Variants in NCAM2 observed in about 807,000 individuals in gnomAD.
NCAM2 encodes N-CAM-2.
In NCAM2, 30 loss-of-function variants were observed where a neutral mutation model predicts 98.1. The ratio of observed to expected loss-of-function variants is 0.31; its 90% CI spans 0.23 to 0.41. The LOEUF (loss-of-function observed/expected upper bound fraction) is 0.41. Among genes scored for constraint, NCAM2 ranks in the 10% least tolerant of loss-of-function variants. The pLI is 1.00. For missense variants in NCAM2, 867 were observed against 1,005.8 expected (o/e 0.86, Z 1.87); for synonymous variants, 368 against 342.4 (o/e 1.07, Z -0.83).
chr21:21,299,391 A>C (rs1024091846), intron 5 of NCAM2, among the ~76,000 whole-genome samples: 1 of 151,782 alleles, frequency 6.6e-6, no homozygotes, highest in Non-Finnish European at 1.5e-5. Context: ...AAAGTAATAA[A>C]GCAGAGAGAA....
At chr21:21,022,124 G>T (rs189510089) in intron 1 of NCAM2, among the ~76,000 whole-genome samples, 43 of 152,122 alleles carry the variant, frequency 2.8e-4, no homozygotes, top group African/African-American at 1.0e-3. Flanking sequence ...AGTCTTGAAA[G>T]ACTTTAAAGA....
At chr21:21,252,750 G>C (rs189132572) in intron 1 of NCAM2, among the ~76,000 whole-genome samples, 2 of 152,046 alleles carry the variant, frequency 1.3e-5, no homozygotes, top group Non-Finnish European at 2.9e-5. Flanking sequence ...AATTCATCTC[G>C]TGTCAAACCT....
intron 15 of NCAM2, among the ~76,000 whole-genome samples, chr21:21,495,177 T>C (rs1438736946): frequency 2.6e-5 from 4 of 151,962 alleles, no homozygotes; most frequent in African/African-American, 7.2e-5. Context: ...AGAATAGTTA[T>C]ACATAAATAT....
At chr21:21,035,665 C>T (rs1416566205) in intron 1 of NCAM2, among the ~76,000 whole-genome samples, 1 of 152,004 alleles carries the variant, frequency 6.6e-6, no homozygotes, top group Non-Finnish European at 1.5e-5. Context: ...TTACCCAGCT[C>T]AATTATATGA....
chr21:21,165,687 A>G (rs1306738044), intron 1 of NCAM2, among the ~76,000 whole-genome samples: 1 of 152,118 alleles, frequency 6.6e-6, no homozygotes, highest in Non-Finnish European at 1.5e-5. Context: ...AAACTATCAT[A>G]TTTTCCTGAG....
Position 21,185,853 on chromosome 21 carries a change from G to T in NCAM2, c.56-94725G>T, listed in dbSNP as rs891617813. Among the ~76,000 whole-genome samples, 9 of 152,076 alleles carry T rather than the reference G, an allele frequency of 5.9e-5. No individual in the cohort carries two copies. The East Asian group carries it at 1.4e-3, about 23-fold the overall frequency. ...GTAATTTTCAATATATCATATTGAA[G>T]AAAAGGAATAAGAAGAAAGTGTAAT... On this transcript the variant is annotated intron_variant, in intron 1 of 17. Coordinates refer to ENST00000400546, the MANE Select transcript of NCAM2 (RefSeq NM_004540.5).
chr21:21,027,350 A>G (rs1256105140), intron 1 of NCAM2, among the ~76,000 whole-genome samples: 2 of 152,220 alleles, frequency 1.3e-5, no homozygotes. Flanking sequence ...TTATGGTAGC[A>G]TTATGATAGA....
At position 21,017,574 on chromosome 21, in the gene NCAM2, C is replaced by T. The variant is rs138555664; in HGVS notation, c.55+18956C>T. ...GGGCGATTATGCAGACTCACTAATC[C>T]GGGTGCATGCCTCGACCAAAGTGAG... On this transcript the variant is annotated intron_variant, in intron 1 of 17. Transcript: ENST00000400546. 3.7e-4 allele frequency among the ~76,000 whole-genome samples: 56 copies of T among 151,976 alleles called. No individual in the cohort carries two copies. In the East Asian group the frequency reaches 7.7e-3, roughly 21 times the overall value.
Position 21,159,531 on chromosome 21 carries a change from ATAAT to A in NCAM2, c.56-121043_56-121040del, listed in dbSNP as rs1470632863. Among the ~76,000 whole-genome samples the A allele has an allele frequency of 2.0e-5, 3 of 152,282 alleles. No homozygotes were observed. The East Asian group carries it at 5.8e-4, about 29-fold the overall frequency. On this transcript the variant is annotated intron_variant, in intron 1 of 17. Coordinates refer to ENST00000400546, the MANE Select transcript of NCAM2 (RefSeq NM_004540.5). ...ACCTTTTGTATGTTTAGATACACAA[ATAAT>A]TAACCATTGTATTACAGTTGCCTCC...
chr21:21,396,809 T>C (rs902912841), intron 9 of NCAM2, among the ~76,000 whole-genome samples: 5 of 152,146 alleles, frequency 3.3e-5, no homozygotes, highest in Admixed American at 1.3e-4. Context: ...GCCCCAAAGA[T>C]GGTGTTACAT....
chr21:21,419,826 T>C (rs988218122), intron 11 of NCAM2, among the ~76,000 whole-genome samples: 1 of 152,110 alleles, frequency 6.6e-6, no homozygotes, highest in Non-Finnish European at 1.5e-5. Context: ...AACATACGCG[T>C]GCATGTGTCT....
At chr21:21,534,931 G>T (rs933393540) in intron 17 of NCAM2, among the ~76,000 whole-genome samples, 2 of 151,854 alleles carry the variant, frequency 1.3e-5, no homozygotes, top group African/African-American at 4.8e-5. Flanking sequence ...AGAGTTTGAG[G>T]TTTTCAACAA....
At chr21:21,517,724 G>A (rs1429296309) in intron 16 of NCAM2, among the ~76,000 whole-genome samples, 1 of 152,060 alleles carries the variant, frequency 6.6e-6, no homozygotes, top group Non-Finnish European at 1.5e-5. Context: ...TTGGCGTGGT[G>A]GTGCATGCCT....
intron 11 of NCAM2, among the ~76,000 whole-genome samples, chr21:21,419,438 C>T (rs1003779441): frequency 1.3e-5 from 2 of 149,258 alleles, no homozygotes; most frequent in Non-Finnish European, 3.0e-5. Context: ...TATACACGTG[C>T]CATGCTGGTG....
chr21:21,215,254 C>T (rs1293877367), intron 1 of NCAM2, among the ~76,000 whole-genome samples: 1 of 152,076 alleles, frequency 6.6e-6, no homozygotes, highest in Non-Finnish European at 1.5e-5. Flanking sequence ...TGCATCAGAA[C>T]CTTTCAGAAT....
chr21:21,096,385 G>A (rs1337706723), intron 1 of NCAM2, among the ~76,000 whole-genome samples: 2 of 148,322 alleles, frequency 1.3e-5, no homozygotes, highest in Non-Finnish European at 3.0e-5. Flanking sequence ...TTAAAACTGT[G>A]TAAACAAATC....
chr21:21,191,985 G>A (rs547477880), intron 1 of NCAM2, among the ~76,000 whole-genome samples: 3 of 152,238 alleles, frequency 2.0e-5, no homozygotes, highest in East Asian at 3.9e-4. Context: ...ACTTTGGGAG[G>A]CCGAGGCAGG....
intron 5 of NCAM2, among the ~76,000 whole-genome samples, chr21:21,313,117 T>C (rs1165613755): frequency 6.6e-6 from 1 of 151,920 alleles, no homozygotes; most frequent in East Asian, 1.9e-4. Flanking sequence ...TCTCTCCTTT[T>C]TTCATCCTGA....
At chr21:21,465,112 T>C (rs1269449546) in intron 12 of NCAM2, among the ~76,000 whole-genome samples, 1 of 152,168 alleles carries the variant, frequency 6.6e-6, no homozygotes, top group Non-Finnish European at 1.5e-5. Context: ...TTGTTGATTT[T>C]AGAACATCTG....
Sources: allele counts gnomAD v4.1 joint callset (sites outside exome capture counted in the v4.1 genomes callset), GRCh38; gene constraint gnomAD v4.1.1; transcripts MANE v1.5; gene names NCBI Gene and HGNC (gene_info 2026-07-23, HGNC 2026-07-21).